SLC12A9: variants seen among roughly 807,000 people sequenced by gnomAD.
The protein encoded by SLC12A9 is solute carrier family 12 member 9, also known as CCC-interacting protein 1.
Under a neutral mutation model 66.0 loss-of-function variants are expected in SLC12A9, and 55 were observed. The observed-to-expected ratio is 0.83, with a 90% CI of 0.67 to 1.04. The LOEUF is 1.04. Among genes scored for constraint, SLC12A9 ranks in the 50% least tolerant of loss-of-function variants. SLC12A9 has a pLI of 0.00. For missense variants in SLC12A9, 1,061 were observed against 1,241.9 expected, an observed-to-expected ratio of 0.85 and a Z score of 2.19; for synonymous variants, 577 against 569.0, an observed-to-expected ratio of 1.01 and a Z score of -0.20.
chr7:100,856,712 A>G (rs1584696115), intron 4 of SLC12A9, 156 bp from the exon 5 acceptor site: 2 of 715,410 alleles, frequency 2.8e-6, no homozygotes, highest in Admixed American at 2.9e-5. Flanking sequence ...GGGTTTCACA[A>G]TGTTGCCCAG....
In SLC12A9 at chr7:100,859,093, C is replaced by T. The variant is rs763065522; in HGVS notation, c.909C>T (p.Ile303=). ...DPSRAIPLGT[I]VAVAYTFFVY... ...GCCGGGCGATCCCTCTGGGCACGAT[C>T]GTCGCCGTCGCCTACACCTTCTTCG... Residue 303 remains isoleucine (I), a synonymous_variant, in exon 7 of 14, where the codon ATC becomes ATT. Coordinates refer to ENST00000354161, the MANE Select transcript of SLC12A9 (RefSeq NM_020246.4). 1.8e-5 allele frequency: 29 copies of T among 1,613,854 alleles called. No homozygotes were observed. Among genetic ancestry groups the T allele is most frequent in the Non-Finnish European group, 2.2e-5 (26 of 1,180,020 alleles).
intron 2 of SLC12A9, 43 bp from the exon 3 acceptor site, chr7:100,854,577 G>C: frequency 4.3e-6 from 7 of 1,612,154 alleles, no homozygotes; most frequent in African/African-American, 1.3e-5. Context: ...GGGGGATATG[G>C]GGTGTGAGTC....
chr7:100,827,252 C>T, intron 1 of SLC12A9: 1 of 171,782 alleles, frequency 5.8e-6, no homozygotes, highest in Non-Finnish European at 1.2e-5. Flanking sequence ...AGCGTGCTGG[C>T]AGTGGCCGCG....
At chr7:100,840,179 C>A (rs2116521496) in intron 1 of SLC12A9, among the ~76,000 whole-genome samples, 1 of 152,156 alleles carries the variant, frequency 6.6e-6, no homozygotes, top group East Asian at 1.9e-4. Flanking sequence ...TTTACCTGTT[C>A]TTTGTTTTGT....
At chr7:100,842,684 A>T (rs1283312401) in intron 1 of SLC12A9, among the ~76,000 whole-genome samples, 2 of 152,262 alleles carry the variant, frequency 1.3e-5, no homozygotes, top group African/African-American at 2.4e-5. Flanking sequence ...ACAGGATACC[A>T]ACATGCAAAT....
intron 12 of SLC12A9, 89 bp from the exon 13 acceptor site, chr7:100,862,592 C>A: frequency 6.7e-7 from 1 of 1,501,066 alleles, no homozygotes; most frequent in Non-Finnish European, 9.2e-7. Flanking sequence ...GTAGCCATAG[C>A]CCTGCCCAGG....
At chr7:100,831,632 C>T (rs542197275) in intron 1 of SLC12A9, among the ~76,000 whole-genome samples, 4 of 152,256 alleles carry the variant, frequency 2.6e-5, no homozygotes, top group East Asian at 1.9e-4. Context: ...GGACCATGCC[C>T]GGCTAATAAG....
At position 100,861,613 on chromosome 7, in the gene SLC12A9, A is replaced by G; in HGVS notation, c.1536+29A>G. On this transcript the variant is annotated intron_variant, in intron 11 of 13. Coordinates refer to ENST00000354161, the MANE Select transcript of SLC12A9 (RefSeq NM_020246.4). This position sits in a 1 kb window ranked among gnomAD's most constrained non-coding sequence, Gnocchi z 5.3. Reference sequence around the variant, plus strand: ...TGGGGAGCTGGTGGGGCGGTGGGGAAATGGGAGGTGGTCAAAGAACCCCCT... The same window carrying G: ...TGGGGAGCTGGTGGGGCGGTGGGGAGATGGGAGGTGGTCAAAGAACCCCCT... 2 of 1,609,096 alleles carry G rather than the reference A, an allele frequency of 1.2e-6. No homozygotes were observed. The highest frequency in any genetic ancestry group is 1.7e-6 in the Non-Finnish European group (2 of 1,176,806).
chr7:100,832,635 A>G (rs1046993273), intron 1 of SLC12A9, among the ~76,000 whole-genome samples: 11 of 152,204 alleles, frequency 7.2e-5, no homozygotes, highest in Non-Finnish European at 1.6e-4. Flanking sequence ...TAGTAAATGC[A>G]AGTATTCCAG....
Position 100,861,988 on chromosome 7 carries a change from TTCG to T in SLC12A9, c.1711+79_1711+81del, listed in dbSNP as rs2116634567. ...CTTTTTTTTTTTTTTGAGATGGAGC[TTCG>T]TTCTGTTGCCCAGGCTGGAGTGCAG... On this transcript the variant is annotated intron_variant, in intron 12 of 13. Coordinates refer to ENST00000354161, the MANE Select transcript of SLC12A9 (RefSeq NM_020246.4). This position sits in a 1 kb window ranked among gnomAD's most constrained non-coding sequence, Gnocchi z 5.3. The T allele has an allele frequency of 3.5e-6, 5 of 1,416,206 alleles. No individual in the cohort carries two copies. In the East Asian group the frequency reaches 1.2e-4, roughly 35 times the overall value. The allele number at this position is 1,416,206 out of a possible 1,614,324, so 87.7% of individuals were successfully genotyped here. A position where few individuals can be genotyped will look rare whatever the true frequency, so the allele number is the denominator to read the frequency against.
At chr7:100,832,123 T>C (rs1213700571) in intron 1 of SLC12A9, among the ~76,000 whole-genome samples, 4 of 152,074 alleles carry the variant, frequency 2.6e-5, no homozygotes, top group African/African-American at 4.8e-5. Flanking sequence ...TCACTTGAAC[T>C]TGGGAGGCGG....
chr7:100,827,707 G>C (rs1447674248), intron 1 of SLC12A9, among the ~76,000 whole-genome samples: 1 of 152,262 alleles, frequency 6.6e-6, no homozygotes, highest in Admixed American at 6.5e-5. Context: ...AGAAAGTTTG[G>C]AGAAGGGGGA....
chr7:100,831,345 C>G (rs1023540612), intron 1 of SLC12A9, among the ~76,000 whole-genome samples: 4 of 152,160 alleles, frequency 2.6e-5, no homozygotes, highest in Non-Finnish European at 4.4e-5. Flanking sequence ...TGCCACCACA[C>G]CGGGCTAATT....
At chr7:100,863,046 G>GT (rs1461078369) in intron 13 of SLC12A9, among the ~76,000 whole-genome samples, 1 of 148,632 alleles carries the variant, frequency 6.7e-6, no homozygotes, top group African/African-American at 2.6e-5. Flanking sequence ...GATGTTGTGG[G>GT]TTTTTTTTCC....
chr7:100,863,150 C>T (rs1371162798), intron 13 of SLC12A9, among the ~76,000 whole-genome samples: 1 of 151,598 alleles, frequency 6.6e-6, no homozygotes, highest in East Asian at 1.9e-4. Context: ...CTGCCTCCTC[C>T]ACCTCCCAGG....
chr7:100,862,148 G>T (rs1025417281), intron 12 of SLC12A9, among the ~76,000 whole-genome samples: 4 of 151,906 alleles, frequency 2.6e-5, no homozygotes, highest in Non-Finnish European at 5.9e-5. Context: ...GTAGAGAAGG[G>T]GTTTCACCAT....
intron 1 of SLC12A9, among the ~76,000 whole-genome samples, chr7:100,839,755 A>G (rs1041985915): frequency 2.0e-5 from 3 of 151,972 alleles, no homozygotes; most frequent in Admixed American, 6.6e-5. Flanking sequence ...AAACTTGCCC[A>G]CTCCAGGCCA....
chr7:100,855,849 G>C lies in SLC12A9; in HGVS notation c.448+12G>C, dbSNP rs778129285. The C allele has an allele frequency of 2.4e-5, 39 of 1,594,436 alleles. No homozygotes were observed. The highest frequency in any genetic ancestry group is 3.4e-5 in the South Asian group (3 of 87,468). On this transcript the variant is annotated intron_variant, in intron 4 of 13. Coordinates refer to ENST00000354161, the MANE Select transcript of SLC12A9 (RefSeq NM_020246.4). ...TGTCTTCGGGGCCGGTCTGTGCTCT[G>C]TCCGATCTGGGCAGTGCTGCGGGTT...
intron 13 of SLC12A9, chr7:100,865,436 G>A: frequency 4.6e-6 from 7 of 1,536,118 alleles, no homozygotes; most frequent in Non-Finnish European, 6.1e-6. Context: ...CCTCTCCATA[G>A]AATTGGAGTG....
Sources: allele counts gnomAD v4.1 joint callset (sites outside exome capture counted in the v4.1 genomes callset), GRCh38; gene constraint gnomAD v4.1.1; non-coding constraint Gnocchi (gnomAD v3.1); transcripts MANE v1.5; gene names NCBI Gene and HGNC (gene_info 2026-07-23, HGNC 2026-07-21).